AGBL4: variants seen among roughly 807,000 people sequenced by gnomAD.
The protein encoded by AGBL4 is AGBL carboxypeptidase 4.
AGBL4 carries 58 observed loss-of-function variants against 66.4 expected under a neutral mutation model. The observed-to-expected ratio is 0.87, with a 90% CI of 0.71 to 1.09. AGBL4 has a LOEUF of 1.09. Among genes scored for constraint, AGBL4 ranks in the 50% least tolerant of loss-of-function variants. AGBL4 has a pLI of 0.00. For missense variants in AGBL4, 579 were observed against 631.0 expected (o/e 0.92, Z 0.88); for synonymous variants, 234 against 222.9 (o/e 1.05, Z -0.44).
At chr1:49,112,834 C>T (rs1557650830) in intron 4 of AGBL4, among the ~76,000 whole-genome samples, 1 of 152,186 alleles carries the variant, frequency 6.6e-6, no homozygotes, top group Admixed American at 6.5e-5. Flanking sequence ...GCAGTTATTT[C>T]CTTCACTGAA....
intron 6 of AGBL4, among the ~76,000 whole-genome samples, chr1:48,680,521 C>T (rs747509065): frequency 5.9e-5 from 9 of 152,196 alleles, no homozygotes; most frequent in Non-Finnish European, 1.3e-4. Flanking sequence ...AACACAATCA[C>T]TCCCCGACCC....
chr1:48,701,995 A>G (rs903121898), intron 6 of AGBL4, among the ~76,000 whole-genome samples: 26 of 152,216 alleles, frequency 1.7e-4, no homozygotes, highest in Admixed American at 6.5e-5. Context: ...TAAAAATTTC[A>G]TGAAGACATA....
intron 6 of AGBL4, among the ~76,000 whole-genome samples, chr1:48,755,032 C>G (rs765564957): frequency 2.6e-5 from 4 of 152,172 alleles, no homozygotes; most frequent in Non-Finnish European, 4.4e-5. Flanking sequence ...CCTGTTAAAT[C>G]CATCTTTTCT....
intron 5 of AGBL4, among the ~76,000 whole-genome samples, chr1:48,924,367 A>ATTTGTTCTCTC (rs1174297322): frequency 4.6e-5 from 7 of 152,120 alleles, no homozygotes; most frequent in African/African-American, 1.7e-4. Context: ...GAGACCTGCA[A>ATTTGTTCTCTC]ATGTTTTATG....
At chr1:49,332,709 A>G (rs1645359163) in intron 3 of AGBL4, among the ~76,000 whole-genome samples, 1 of 152,232 alleles carries the variant, frequency 6.6e-6, no homozygotes, top group Non-Finnish European at 1.5e-5. Context: ...TAATTATTAC[A>G]TTATACTGAT....
chr1:48,544,443 C>T (rs1193225762), intron 11 of AGBL4, among the ~76,000 whole-genome samples: 4 of 152,170 alleles, frequency 2.6e-5, no homozygotes, highest in East Asian at 1.9e-4. Context: ...TATGGCAGAT[C>T]GTATTTTCCA....
chr1:49,146,830 A>G (rs1392886458), intron 4 of AGBL4, among the ~76,000 whole-genome samples: 5 of 152,214 alleles, frequency 3.3e-5, no homozygotes, highest in Non-Finnish European at 7.3e-5. Context: ...TGCCTCATCC[A>G]TCATCATTAC....
At chr1:49,188,715 T>C (rs1647059875) in intron 4 of AGBL4, among the ~76,000 whole-genome samples, 1 of 152,140 alleles carries the variant, frequency 6.6e-6, no homozygotes, top group Non-Finnish European at 1.5e-5. Flanking sequence ...GTAAGACAAT[T>C]GAATTCAGAA....
chr1:49,029,786 G>A lies in AGBL4; in HGVS notation c.594+15798C>T, dbSNP rs146584686. Reference sequence around the variant, plus strand: ...TAATGATTTCAAAACTTACTACAAAGGTACAGTAATGAAGACAGTATTGTA... The same window carrying A: ...TAATGATTTCAAAACTTACTACAAAAGTACAGTAATGAAGACAGTATTGTA... On this transcript the variant is annotated intron_variant, in intron 5 of 13. Coordinates refer to ENST00000371839, the MANE Select transcript of AGBL4 (RefSeq NM_032785.4). Among the ~76,000 whole-genome samples the A allele has an allele frequency of 4.5e-4, 68 of 152,166 alleles. 1 individual carries two copies. In the South Asian group the frequency reaches 9.6e-3, roughly 21 times the overall value.
At chr1:49,505,889 T>C (rs1187117060) in intron 3 of AGBL4, among the ~76,000 whole-genome samples, 2 of 152,072 alleles carry the variant, frequency 1.3e-5, no homozygotes, top group Non-Finnish European at 2.9e-5. Context: ...AGCTGTTCTA[T>C]AATTCCCGTA....
chr1:49,871,230 A>G (rs1261648435), intron 1 of AGBL4, among the ~76,000 whole-genome samples: 2 of 151,966 alleles, frequency 1.3e-5, no homozygotes, highest in East Asian at 3.9e-4. Context: ...AAGCTATAAA[A>G]TATTATTTAA....
At chr1:48,538,138 A>G (rs1644003887) in intron 12 of AGBL4, among the ~76,000 whole-genome samples, 1 of 152,210 alleles carries the variant, frequency 6.6e-6, no homozygotes, top group South Asian at 2.1e-4. Flanking sequence ...AGGGTATCAG[A>G]ATACCTTGTC....
intron 3 of AGBL4, among the ~76,000 whole-genome samples, chr1:49,419,713 A>C (rs1056476558): frequency 2.0e-5 from 3 of 152,210 alleles, no homozygotes; most frequent in African/African-American, 7.2e-5. Context: ...TTTTTGCCCA[A>C]GTGACATAAA....
At chr1:48,523,166 G>T in the AGBL4 span, among the ~76,000 whole-genome samples, 3 of 152,110 alleles carry the variant, frequency 2.0e-5, no homozygotes, top group Non-Finnish European at 4.4e-5. Flanking sequence ...CTTTTCTAAA[G>T]TTATATAAAT....
chr1:48,626,457 C>T (rs1645504129), intron 9 of AGBL4, among the ~76,000 whole-genome samples: 1 of 152,222 alleles, frequency 6.6e-6, no homozygotes, highest in Non-Finnish European at 1.5e-5. Context: ...AGCATCCAAT[C>T]AGTCTGTCCT....
At chr1:49,215,826 T>G (rs1649042625) in intron 4 of AGBL4, among the ~76,000 whole-genome samples, 1 of 152,064 alleles carries the variant, frequency 6.6e-6, no homozygotes, top group African/African-American at 2.4e-5. Flanking sequence ...CTTCTCCCTC[T>G]TTCCCCCAAT....
At chr1:49,444,992 T>C (rs1259320296) in intron 3 of AGBL4, among the ~76,000 whole-genome samples, 1 of 151,982 alleles carries the variant, frequency 6.6e-6, no homozygotes, top group Non-Finnish European at 1.5e-5. Flanking sequence ...ATGGCAAAAG[T>C]AGTCCCTTCA....
chr1:48,728,239 T>TA (rs1647494520), intron 6 of AGBL4, among the ~76,000 whole-genome samples: 1 of 152,192 alleles, frequency 6.6e-6, no homozygotes, highest in Admixed American at 6.5e-5. Flanking sequence ...ATGTACTCTT[T>TA]AAAAGTAATG....
intron 3 of AGBL4, among the ~76,000 whole-genome samples, chr1:49,442,437 A>G (rs1296702917): frequency 6.6e-6 from 1 of 152,180 alleles, no homozygotes; most frequent in African/African-American, 2.4e-5. Context: ...AGTCTCTGTT[A>G]TGTATCTTTC....
Sources: allele counts gnomAD v4.1 joint callset (sites outside exome capture counted in the v4.1 genomes callset), GRCh38; gene constraint gnomAD v4.1.1; transcripts MANE v1.5; gene names NCBI Gene and HGNC (gene_info 2026-07-23, HGNC 2026-07-21).